TECPR2: variants seen among roughly 807,000 people sequenced by gnomAD.
TECPR2 encodes the protein tectonin beta-propeller repeat-containing protein 2.
Under a neutral mutation model 138.1 loss-of-function variants are expected in TECPR2, and 65 were observed. That is an observed-to-expected ratio of 0.47 (90% CI 0.39 to 0.58). The LOEUF (loss-of-function observed/expected upper bound fraction) is 0.58. Ranked by LOEUF, TECPR2 falls within the 20% of genes least tolerant of loss-of-function variation. The pLI is 0.00. For synonymous variants in TECPR2, 746 were observed against 749.8 expected, an observed-to-expected ratio of 0.99 and a Z score of 0.08; for missense variants, 1,553 against 1,824.5, an observed-to-expected ratio of 0.85 and a Z score of 2.71.
chr14:102,363,176 C>CAGGCCTTGACACTCATCCAGTTGGT (rs1887228833), intron 1 of TECPR2, 60 bp downstream of exon 1: 1 of 318,420 alleles, frequency 3.1e-6, no homozygotes, highest in Non-Finnish European at 5.7e-6. Context: ...CGCCTGGCCC[C>CAGGCCTTGACACTCATCCAGTTGGT]GAGCCCCTCC....
intron 13 of TECPR2, among the ~76,000 whole-genome samples, chr14:102,447,519 G>C (rs535248330): frequency 6.6e-6 from 1 of 152,100 alleles, no homozygotes; most frequent in Non-Finnish European, 1.5e-5. Flanking sequence ...ACTGATAGTC[G>C]ATGGTCGTGA....
intron 2 of TECPR2, among the ~76,000 whole-genome samples, chr14:102,382,695 C>T (rs1021031435): frequency 5.3e-5 from 8 of 152,164 alleles, no homozygotes; most frequent in African/African-American, 9.7e-5. Context: ...CTAAGCTTTC[C>T]AGGCCCTTGT....
At chr14:102,408,802 G>C (rs1888736085) in intron 4 of TECPR2, among the ~76,000 whole-genome samples, 183 bp downstream of exon 4, 1 of 152,174 alleles carries the variant, frequency 6.6e-6, no homozygotes, top group Admixed American at 6.5e-5. Context: ...CTATGACTAA[G>C]GAGTTGGCCT....
chr14:102,402,651 A>C (rs930301751), intron 2 of TECPR2, among the ~76,000 whole-genome samples: 3 of 152,160 alleles, frequency 2.0e-5, no homozygotes, highest in African/African-American at 7.2e-5. Context: ...CTTTAGCCAG[A>C]TGGATCAAGA....
chr14:102,404,411 GAACTTAA>G (rs1333808523), intron 2 of TECPR2, among the ~76,000 whole-genome samples: 1 of 152,034 alleles, frequency 6.6e-6, no homozygotes, highest in African/African-American at 2.4e-5. Context: ...CAAACTTCCT[GAACTTAA>G]AACTTAACTG....
intron 7 of TECPR2, among the ~76,000 whole-genome samples, chr14:102,429,218 A>G (rs1889404458): frequency 6.6e-6 from 1 of 152,196 alleles, no homozygotes. Flanking sequence ...CTTACATCAG[A>G]TAGTCTCACA....
chr14:102,432,880 T>C (rs907477151), intron 8 of TECPR2, among the ~76,000 whole-genome samples: 2 of 151,832 alleles, frequency 1.3e-5, no homozygotes, highest in Non-Finnish European at 2.9e-5. Flanking sequence ...GGCATGTGCC[T>C]GTAATCTCAG....
At position 102,497,565 on chromosome 14, in the gene TECPR2, C is replaced by T; in HGVS notation, c.3932-5C>T. ...GGGCTCAGGAGGGACCCTGTCTGCCCACAGGGTTGCAGGCCTGCCAGCTGG... is the reference window on the plus strand; with the variant it reads ...GGGCTCAGGAGGGACCCTGTCTGCCTACAGGGTTGCAGGCCTGCCAGCTGG... On this transcript the variant is annotated splice_region_variant and splice_polypyrimidine_tract_variant and intron_variant, in intron 18 of 19. Coordinates refer to ENST00000359520, the MANE Select transcript of TECPR2 (RefSeq NM_014844.5). 6.3e-7 allele frequency: 1 copy of T among 1,584,792 alleles called. No homozygotes were observed. The highest frequency in any genetic ancestry group is 8.6e-7 in the Non-Finnish European group (1 of 1,163,710).
intron 2 of TECPR2, among the ~76,000 whole-genome samples, chr14:102,389,314 A>G (rs1888103764): frequency 1.3e-5 from 2 of 152,160 alleles, no homozygotes; most frequent in African/African-American, 4.8e-5. Context: ...TGACAGAGCA[A>G]GTCTCTGTCT....
At position 102,445,995 on chromosome 14, in the gene TECPR2, T is replaced by C. The variant is rs777893690; in HGVS notation, c.3075+48T>C. ...CGTGCCGAGGTCTCCCGACCTTTTC[T>C]GCTTCCCCTTTTCTTACTTCTCTCT... On this transcript the variant is annotated intron_variant, in intron 13 of 19. Transcript: ENST00000359520. 2.6e-6 allele frequency: 4 copies of C among 1,561,880 alleles called. No homozygotes were observed. The East Asian group carries it at 6.9e-5, about 27-fold the overall frequency.
Position 102,414,643 on chromosome 14 carries a change from G to C in TECPR2, c.488G>C (p.Cys163Ser). ...YSSLDLDQGLCNSQLVLEEPS... is the reference protein window; with the variant it reads ...YSSLDLDQGLSNSQLVLEEPS... ...CCAGACTTTCTCTGCCAGGGGCTCT[G>C]TAACTCCCAGCTGGTGTTGGAGGAG... The change falls in exon 5 of 20, where the codon TGT becomes TCT. Residue 163 changes from cysteine (C) to serine (S), a missense_variant. Cys to Ser is a moderately radical substitution (Grantham distance 112). Transcript: ENST00000359520. The C allele has an allele frequency of 6.2e-7, 1 of 1,614,158 alleles. No individual in the cohort carries two copies.
rs1281806897 is a variant in TECPR2, at chr14:102,420,203, A to T, written c.639-4776A>T. Among the ~76,000 whole-genome samples, 2 of 152,220 alleles carry T rather than the reference A, an allele frequency of 1.3e-5. No homozygotes were observed. Among genetic ancestry groups the T allele is most frequent in the Non-Finnish European group, 1.5e-5 (1 of 68,040 alleles). Reference sequence around the variant, plus strand: ...AACGTGGTCTATAAAGGGAATTAAAATTTTTTTAGGTAATCAATGAGGTTT... The same window carrying T: ...AACGTGGTCTATAAAGGGAATTAAATTTTTTTTAGGTAATCAATGAGGTTT... On this transcript the variant is annotated intron_variant, in intron 5 of 19. Coordinates refer to ENST00000359520, the MANE Select transcript of TECPR2 (RefSeq NM_014844.5). The surrounding 1 kb of genome is among the most constrained non-coding windows in gnomAD (Gnocchi z 4.1).
In TECPR2 at chr14:102,420,314, G is replaced by A. The variant is rs143949988; in HGVS notation, c.639-4665G>A. ...CTGCAATACTTAGACCTTAAAAGTT[G>A]GAGCTTCAGTGTCAAATTCAGAAAG... On this transcript the variant is annotated intron_variant, in intron 5 of 19. Coordinates refer to ENST00000359520, the MANE Select transcript of TECPR2 (RefSeq NM_014844.5). The surrounding 1 kb of genome is among the most constrained non-coding windows in gnomAD (Gnocchi z 4.1). Among the ~76,000 whole-genome samples the A allele has an allele frequency of 1.7e-3, 254 of 152,266 alleles. 2 individuals carry two copies. The highest frequency in any genetic ancestry group is 5.6e-3 in the African/African-American group (232 of 41,564).
intron 17 of TECPR2, among the ~76,000 whole-genome samples, chr14:102,467,636 TTTG>T: frequency 6.6e-6 from 1 of 152,120 alleles, no homozygotes; most frequent in Middle Eastern, 3.4e-3. Flanking sequence ...TTTCCAATTT[TTTG>T]TTGTTATTTT....
intron 17 of TECPR2, among the ~76,000 whole-genome samples, chr14:102,472,393 G>C (rs1199334024): frequency 6.6e-6 from 1 of 152,196 alleles, no homozygotes; most frequent in Non-Finnish European, 1.5e-5. Context: ...TGACTGTGGT[G>C]ATCAACAGCT....
intron 17 of TECPR2, among the ~76,000 whole-genome samples, chr14:102,475,655 G>T (rs958482492): frequency 1.3e-5 from 2 of 152,048 alleles, no homozygotes; most frequent in Non-Finnish European, 1.5e-5. Flanking sequence ...CAAAGCTCAA[G>T]AATATTTACA....
At chr14:102,387,821 T>C (rs117089235) in intron 2 of TECPR2, among the ~76,000 whole-genome samples, 5,725 of 152,222 alleles carry the variant, frequency 0.038, 122 homozygotes, top group Middle Eastern at 0.088. Flanking sequence ...CCACCACACC[T>C]GGCTGGGTGG....
intron 17 of TECPR2, among the ~76,000 whole-genome samples, chr14:102,478,396 A>G (rs1280406646): frequency 6.6e-6 from 1 of 151,278 alleles, no homozygotes; most frequent in African/African-American, 2.4e-5. Context: ...AAAAATTTAA[A>G]TGGGCCGGGT....
chr14:102,448,128 A>G (rs970407163), intron 13 of TECPR2, among the ~76,000 whole-genome samples: 13 of 151,954 alleles, frequency 8.6e-5, no homozygotes, highest in Non-Finnish European at 1.8e-4. Flanking sequence ...AAAAATATAC[A>G]TATATGTATT....
Sources: gnomAD v4.1 joint callset for allele counts (sites outside exome capture counted in the v4.1 genomes callset) on GRCh38, gnomAD v4.1.1 for gene constraint, Gnocchi (gnomAD v3.1) non-coding constraint, MANE v1.5 for transcripts, NCBI Gene and HGNC (gene_info 2026-07-23, HGNC 2026-07-21) for gene names.